The following ROBO2 variants were observed in gnomAD, a reference collection of about 807,000 sequenced individuals.
ROBO2 encodes the protein roundabout guidance receptor 2, also known as roundabout homolog 2.
In ROBO2, 53 loss-of-function variants were observed where a neutral mutation model predicts 160.8. The ratio of observed to expected loss-of-function variants is 0.33; its 90% CI spans 0.26 to 0.41. The LOEUF is 0.41. ROBO2 is among the 10% of genes least tolerant of loss of function. ROBO2 has a pLI of 1.00. For synonymous variants in ROBO2, 664 were observed against 611.7 expected, an observed-to-expected ratio of 1.09 and a Z score of -1.26; for missense variants, 1,577 against 1,722.4, an observed-to-expected ratio of 0.92 and a Z score of 1.49.
At position 76,300,625 on chromosome 3, in the gene ROBO2, CAT is replaced by C. The variant is rs34790792; in HGVS notation, c.109+363035_109+363036del. The stretch of plus-strand genomic sequence containing the variant: ...ATTAGTGCTTATATATGCACATATG[CAT>C]ATATATATATAAATATAGCAATGTG... On this transcript the variant is annotated intron_variant, in intron 2 of 26. Coordinates refer to the ROBO2 transcript ENST00000487694. 7.1e-3 allele frequency among the ~76,000 whole-genome samples: 1,075 copies of C among 151,154 alleles called. 3 individuals are homozygous for C. Among genetic ancestry groups the C allele is most frequent in the Non-Finnish European group, 0.01 (696 of 67,744 alleles).
chr3:77,098,153 T>C, exon 2 of ROBO2: 1 of 1,614,124 alleles, frequency 6.2e-7, no homozygotes, highest in South Asian at 1.1e-5. Flanking sequence ...GGTACAAAGA[T>C]GGGGAGCGAG....
chr3:76,717,000 T>G (rs1252908925), intron 2 of ROBO2, among the ~76,000 whole-genome samples: 1 of 152,228 alleles, frequency 6.6e-6, no homozygotes, highest in East Asian at 1.9e-4. Flanking sequence ...CCATTTTCTG[T>G]GTGCATTTTT....
intron 2 of ROBO2, among the ~76,000 whole-genome samples, chr3:77,349,473 C>T (rs554990427): frequency 6.6e-6 from 1 of 152,270 alleles, no homozygotes; most frequent in East Asian, 1.9e-4. Context: ...AGATTGCCTT[C>T]TGAGAGTCAC....
At chr3:76,603,332 CAAAAAA>C (rs61547121) in intron 2 of ROBO2, among the ~76,000 whole-genome samples, 20 of 66,498 alleles carry the variant, frequency 3.0e-4, no homozygotes, top group African/African-American at 4.1e-4. Context: ...ACTCCATCTC[CAAAAAA>C]AAAAAAAAAA....
At chr3:76,181,793 A>T (rs953124004) in intron 2 of ROBO2, among the ~76,000 whole-genome samples, 6 of 144,560 alleles carry the variant, frequency 4.2e-5, no homozygotes, top group Admixed American at 3.4e-4. Context: ...TTTATGTCCT[A>T]AAAAAAAAGG....
At chr3:76,194,449 C>T (rs1157899082) in intron 2 of ROBO2, among the ~76,000 whole-genome samples, 2 of 146,084 alleles carry the variant, frequency 1.4e-5, no homozygotes, top group African/African-American at 2.5e-5. Context: ...TTTATGAGTG[C>T]TCCTGCACAA....
intron 2 of ROBO2, among the ~76,000 whole-genome samples, chr3:76,300,749 T>C (rs1408235019): frequency 6.6e-6 from 1 of 152,062 alleles, no homozygotes; most frequent in East Asian, 1.9e-4. Flanking sequence ...GCAAAGAAAT[T>C]CCCTCTTCCT....
At chr3:76,319,363 C>G (rs958078576) in intron 2 of ROBO2, among the ~76,000 whole-genome samples, 2 of 152,102 alleles carry the variant, frequency 1.3e-5, no homozygotes, top group African/African-American at 4.8e-5. Flanking sequence ...AAAGCTTGCT[C>G]TATCGAAGAC....
At chr3:76,249,095 A>AG (rs1249051789) in intron 2 of ROBO2, among the ~76,000 whole-genome samples, 11 of 152,122 alleles carry the variant, frequency 7.2e-5, no homozygotes, top group Admixed American at 7.2e-4. Context: ...ATCTTTGATA[A>AG]GGTCTTCGTT....
chr3:77,231,728 G>T (rs1276989155), intron 2 of ROBO2, among the ~76,000 whole-genome samples: 2 of 152,016 alleles, frequency 1.3e-5, no homozygotes, highest in African/African-American at 4.8e-5. Flanking sequence ...GCCTTCTCTG[G>T]AGTGTTATTT....
intron 2 of ROBO2, among the ~76,000 whole-genome samples, chr3:76,682,353 A>C (rs771498180): frequency 3.3e-5 from 5 of 152,246 alleles, no homozygotes; most frequent in Admixed American, 6.6e-5. Context: ...TAATTCGTGG[A>C]AAGTCTATAC....
At chr3:76,824,592 G>A (rs891241712) in intron 2 of ROBO2, among the ~76,000 whole-genome samples, 30 of 152,014 alleles carry the variant, frequency 2.0e-4, no homozygotes, top group Non-Finnish European at 2.9e-5. Context: ...TATTTTAACT[G>A]AGTTTATAAG....
At chr3:76,922,645 G>A (rs1167006) in intron 2 of ROBO2, among the ~76,000 whole-genome samples, 39,010 of 152,022 alleles carry the variant, frequency 0.26, 5,542 homozygotes, top group African/African-American at 0.38. Flanking sequence ...TATCGACCCT[G>A]GGGTACTTGG....
intron 2 of ROBO2, among the ~76,000 whole-genome samples, chr3:76,909,489 A>T (rs2075831727): frequency 6.6e-6 from 1 of 152,132 alleles, no homozygotes; most frequent in South Asian, 2.1e-4. Flanking sequence ...GCACCCTAAA[A>T]TCTCAGAACT....
At chr3:76,454,363 A>G (rs1262301360) in intron 2 of ROBO2, among the ~76,000 whole-genome samples, 1 of 152,194 alleles carries the variant, frequency 6.6e-6, no homozygotes, top group Non-Finnish European at 1.5e-5. Flanking sequence ...AAGAAGTTGA[A>G]GTTGACATAT....
intron 2 of ROBO2, among the ~76,000 whole-genome samples, chr3:77,161,159 C>G (rs959248476): frequency 6.6e-6 from 1 of 152,110 alleles, no homozygotes; most frequent in Non-Finnish European, 1.5e-5. Context: ...GCATCTGGGT[C>G]CCAGGAGGTT....
chr3:76,962,666 G>A (rs549171502), intron 2 of ROBO2, among the ~76,000 whole-genome samples: 57 of 146,062 alleles, frequency 3.9e-4, no homozygotes, highest in Non-Finnish European at 7.4e-4. Flanking sequence ...AAAAAGCTAG[G>A]CATGGTGACA....
intron 2 of ROBO2, among the ~76,000 whole-genome samples, chr3:76,245,927 A>G (rs1004262151): frequency 6.6e-6 from 1 of 152,196 alleles, no homozygotes; most frequent in Non-Finnish European, 1.5e-5. Flanking sequence ...CTAAAGGAAA[A>G]GGAGAATTAG....
intron 1 of ROBO2, among the ~76,000 whole-genome samples, chr3:77,063,394 A>G (rs1339041767): frequency 6.6e-6 from 1 of 152,186 alleles, no homozygotes; most frequent in Non-Finnish European, 1.5e-5. Context: ...GTAAGACAGG[A>G]GCAAAGTGTG....
Sources: allele counts gnomAD v4.1 joint callset (sites outside exome capture counted in the v4.1 genomes callset), GRCh38; gene constraint gnomAD v4.1.1; transcripts MANE v1.5; gene names NCBI Gene and HGNC (gene_info 2026-07-23, HGNC 2026-07-21).